Variants in TENM3 observed in about 807,000 individuals in gnomAD.
TENM3 encodes the protein teneurin transmembrane protein 3.
Under a neutral mutation model 255.1 loss-of-function variants are expected in TENM3, and 63 were observed. The ratio of observed to expected loss-of-function variants is 0.25; its 90% CI spans 0.20 to 0.30. TENM3 has a LOEUF of 0.30. Among genes scored for constraint, TENM3 ranks in the 10% least tolerant of loss-of-function variants. The probability of loss-of-function intolerance (pLI) is 1.00; values close to 1 mark genes in which losing one functional copy is unlikely to be tolerated. For synonymous variants in TENM3, 1,306 were observed against 1,322.3 expected, an observed-to-expected ratio of 0.99 and a Z score of 0.27; for missense variants, 2,929 against 3,461.1, an observed-to-expected ratio of 0.85 and a Z score of 3.86.
chr4:181,577,573 T>C, the TENM3 span, among the ~76,000 whole-genome samples: 2 of 152,176 alleles, frequency 1.3e-5, no homozygotes, highest in Non-Finnish European at 2.9e-5. Flanking sequence ...AGATAGACGT[T>C]GAACTTCTTG....
intron 3 of TENM3, among the ~76,000 whole-genome samples, chr4:182,490,171 A>T (rs1486612284): frequency 6.6e-6 from 1 of 152,208 alleles, no homozygotes; most frequent in African/African-American, 2.4e-5. Context: ...AATTGTTAAT[A>T]GCGAGGGCTG....
the TENM3 span, among the ~76,000 whole-genome samples, chr4:181,577,413 T>C: frequency 1.3e-5 from 2 of 151,836 alleles, no homozygotes; most frequent in East Asian, 1.9e-4. Context: ...AGTCTAGGTT[T>C]GAGAATTTTT....
intron 24 of TENM3, among the ~76,000 whole-genome samples, chr4:182,784,175 C>A (rs1203869754): frequency 4.6e-5 from 7 of 152,152 alleles, no homozygotes; most frequent in Admixed American, 1.3e-4. Flanking sequence ...TTTTCCCCAT[C>A]TTTGTGGTTT....
chr4:181,598,688 G>GAAA, the TENM3 span, among the ~76,000 whole-genome samples: 3 of 112,654 alleles, frequency 2.7e-5, no homozygotes, highest in Non-Finnish European at 5.7e-5. Context: ...ACAAGCATAA[G>GAAA]AAAAAAAAAA....
At chr4:182,730,744 A>G in intron 15 of TENM3, 134 bp from the exon 16 acceptor site, 1 of 973,946 alleles carries the variant, frequency 1.0e-6, no homozygotes, top group South Asian at 1.8e-5. Context: ...ATTCCCATAG[A>G]TCTGAAAATA....
chr4:182,352,989 G>A (rs796753769), intron 3 of TENM3, among the ~76,000 whole-genome samples: 8 of 152,280 alleles, frequency 5.3e-5, no homozygotes, highest in African/African-American at 1.7e-4. Context: ...AGCTCTTCCA[G>A]TGCTGATCAA....
chr4:181,633,343 A>C, the TENM3 span, among the ~76,000 whole-genome samples: 1 of 152,222 alleles, frequency 6.6e-6, no homozygotes, highest in Admixed American at 6.5e-5. Flanking sequence ...TTTAGCAGCT[A>C]TTCTAGATCA....
chr4:181,861,929 A>T, the TENM3 span, among the ~76,000 whole-genome samples: 1 of 152,126 alleles, frequency 6.6e-6, no homozygotes, highest in Admixed American at 6.6e-5. Context: ...ATTTTGCCAC[A>T]GTGATTTCTG....
At chr4:182,406,805 G>A (rs1266202220) in intron 3 of TENM3, among the ~76,000 whole-genome samples, 1 of 152,154 alleles carries the variant, frequency 6.6e-6, no homozygotes, top group Non-Finnish European at 1.5e-5. Context: ...AGAACGTTTT[G>A]ATTTTTACCT....
intron 1 of TENM3, chr4:182,190,433 A>G (rs1483210704): frequency 6.6e-6 from 1 of 152,178 alleles, no homozygotes; most frequent in African/African-American, 2.4e-5. Context: ...TACAAGTACA[A>G]TTTCTGGCTC....
At chr4:182,743,454 G>C (rs754529292) in intron 19 of TENM3, 35 bp downstream of exon 19, 2 of 1,601,260 alleles carry the variant, frequency 1.2e-6, no homozygotes, top group African/African-American at 1.3e-5. Flanking sequence ...TTTAACCAAA[G>C]CTAAACGTGC....
chr4:181,987,327 C>T, the TENM3 span, among the ~76,000 whole-genome samples: 263 of 152,144 alleles, frequency 1.7e-3, 2 homozygotes, highest in African/African-American at 5.9e-3. Context: ...TAAGGGAATC[C>T]GATAAGAAGA....
rs1405457001 is a variant in TENM3 at position 182,799,197 on chromosome 4, CTG to C, written c.7345-395_7345-394del. On this transcript the variant is annotated intron_variant, in intron 27 of 27. Transcript: ENST00000511685. This position sits in a 1 kb window ranked among gnomAD's most constrained non-coding sequence, Gnocchi z 4.2. Reference sequence around the variant, plus strand: ...TATCCCCAGCCGTTCAGATCCCTCTCTGTGTTTGGTGGCTTCTCAGCCTCCTG... The same window carrying C: ...TATCCCCAGCCGTTCAGATCCCTCTCTGTTTGGTGGCTTCTCAGCCTCCTG... Among the ~76,000 whole-genome samples the C allele has an allele frequency of 1.3e-5, 2 of 152,224 alleles. No individual in the cohort carries two copies. Among genetic ancestry groups the C allele is most frequent in the East Asian group, 3.9e-4 (2 of 5,194 alleles).
chr4:181,978,237 A>T, the TENM3 span, among the ~76,000 whole-genome samples: 1 of 152,306 alleles, frequency 6.6e-6, no homozygotes, highest in East Asian at 1.9e-4. Flanking sequence ...ACATGGTGGG[A>T]ACCGAGGCAC....
intron 5 of TENM3, among the ~76,000 whole-genome samples, chr4:182,643,885 G>A (rs965017341): frequency 2.0e-5 from 3 of 152,194 alleles, no homozygotes; most frequent in African/African-American, 7.2e-5. Flanking sequence ...AAACAAAATG[G>A]AATGGCAGGC....
chr4:181,924,348 AGGAGTCTT>A, the TENM3 span, among the ~76,000 whole-genome samples: 622 of 152,296 alleles, frequency 4.1e-3, 6 homozygotes, highest in African/African-American at 0.015. Flanking sequence ...TTTCTGACCC[AGGAGTCTT>A]GTGTTTTGTG....
intron 1 of TENM3, among the ~76,000 whole-genome samples, chr4:182,280,131 T>A (rs1029737212): frequency 6.6e-6 from 1 of 152,334 alleles, no homozygotes; most frequent in South Asian, 2.1e-4. Context: ...GGACCCAGTG[T>A]GGACATCAAA....
At chr4:182,713,279 G>A (rs1758896659) in intron 12 of TENM3, among the ~76,000 whole-genome samples, 1 of 152,134 alleles carries the variant, frequency 6.6e-6, no homozygotes, top group African/African-American at 2.4e-5. Context: ...GTCTATCAAT[G>A]TTTTATTGTG....
rs547264467 is a variant in TENM3 at position 182,680,448 on chromosome 4, G to T, written c.1640-95G>T. The T allele has an allele frequency of 2.8e-3, 3,785 of 1,347,840 alleles. 10 individuals are homozygous for T. Among genetic ancestry groups the T allele is most frequent in the Non-Finnish European group, 3.3e-3 (3,158 of 943,272 alleles). 83.5% of individuals were successfully genotyped at this position (1,347,840 alleles called of 1,614,324 possible). A position where few individuals can be genotyped will look rare whatever the true frequency, so the allele number is the denominator to read the frequency against. Reference sequence around the variant, plus strand: ...GAGACAGGAAAGAAAGGGGGGGGGAGACTGGCATATTGCTTGTTCCAGCGA... The same window carrying T: ...GAGACAGGAAAGAAAGGGGGGGGGATACTGGCATATTGCTTGTTCCAGCGA... On this transcript the variant is annotated intron_variant, in intron 9 of 27. Transcript: ENST00000511685.
Sources: allele counts gnomAD v4.1 joint callset (sites outside exome capture counted in the v4.1 genomes callset), GRCh38; gene constraint gnomAD v4.1.1; non-coding constraint Gnocchi (gnomAD v3.1); transcripts MANE v1.5; gene names NCBI Gene and HGNC (gene_info 2026-07-23, HGNC 2026-07-21).